ROBO2: variants seen among roughly 807,000 people sequenced by gnomAD.
The protein encoded by ROBO2 is roundabout homolog 2.
Under a neutral mutation model 160.8 loss-of-function variants are expected in ROBO2, and 53 were observed. The ratio of observed to expected loss-of-function variants is 0.33; its 90% CI spans 0.26 to 0.41. The LOEUF is 0.41. Ranked by LOEUF, ROBO2 falls within the 10% of genes least tolerant of loss-of-function variation. ROBO2 has a pLI of 1.00. For missense variants in ROBO2, 1,577 were observed against 1,722.4 expected, an observed-to-expected ratio of 0.92 and a Z score of 1.49; for synonymous variants, 664 against 611.7, an observed-to-expected ratio of 1.09 and a Z score of -1.26.
intron 2 of ROBO2, among the ~76,000 whole-genome samples, chr3:76,863,379 A>G (rs2071006600): frequency 6.6e-6 from 1 of 151,538 alleles, no homozygotes; most frequent in African/African-American, 2.4e-5. Context: ...TCGAGGCTAC[A>G]GTGAGCTGTG....
At chr3:76,196,740 A>T (rs974724833) in intron 2 of ROBO2, among the ~76,000 whole-genome samples, 2 of 152,156 alleles carry the variant, frequency 1.3e-5, no homozygotes, top group African/African-American at 4.8e-5. Flanking sequence ...AGATGTAAGG[A>T]TGTTATTGTC....
intron 2 of ROBO2, among the ~76,000 whole-genome samples, chr3:76,894,741 C>G (rs1245760572): frequency 6.6e-6 from 1 of 152,060 alleles, no homozygotes; most frequent in Middle Eastern, 3.2e-3. Context: ...AATGTATTTC[C>G]TGTGTATACC....
In ROBO2 at chr3:76,980,082, A is replaced by T. The variant is rs534549299; in HGVS notation, c.110-117932A>T. 1.1e-4 allele frequency among the ~76,000 whole-genome samples: 16 copies of T among 152,324 alleles called. No homozygotes were observed. In the South Asian group the frequency reaches 3.3e-3, roughly 32 times the overall value. On this transcript the variant is annotated intron_variant, in intron 2 of 26. Transcript: ENST00000487694. ...TACTGCAGGAAATAACTTACTTTGA[A>T]TCATGAGAAAGTGGTGAAGCTTAGT... is the stretch of plus-strand genomic sequence containing the variant.
At chr3:76,975,187 T>C (rs1414642260) in intron 2 of ROBO2, among the ~76,000 whole-genome samples, 1 of 152,178 alleles carries the variant, frequency 6.6e-6, no homozygotes, top group Non-Finnish European at 1.5e-5. Flanking sequence ...GTGATCTTCC[T>C]ACACAGAAGG....
At chr3:77,611,311 A>AT (rs397978217) in intron 21 of ROBO2, among the ~76,000 whole-genome samples, 1 of 149,962 alleles carries the variant, frequency 6.7e-6, no homozygotes, top group African/African-American at 2.4e-5. Flanking sequence ...AAAAAAAAAA[A>AT]GAAAACTGCA....
At chr3:76,780,207 GTTTT>G (rs373457051) in intron 2 of ROBO2, among the ~76,000 whole-genome samples, 22 of 146,156 alleles carry the variant, frequency 1.5e-4, no homozygotes, top group Non-Finnish European at 2.3e-4. Flanking sequence ...TTGTTTGTTT[GTTTT>G]TTTTTTGGAG....
intron 2 of ROBO2, among the ~76,000 whole-genome samples, chr3:75,962,731 C>A (rs1244525870): frequency 6.6e-6 from 1 of 151,640 alleles, no homozygotes; most frequent in Admixed American, 6.6e-5. Context: ...TTTCATAATT[C>A]TGTAGCAATT....
chr3:76,282,930 T>A (rs1405064645), intron 2 of ROBO2, among the ~76,000 whole-genome samples: 1 of 151,424 alleles, frequency 6.6e-6, no homozygotes, highest in Non-Finnish European at 1.5e-5. Context: ...TTTTATAGCA[T>A]TTATTTTATT....
At chr3:75,965,706 A>G in intron 2 of ROBO2, among the ~76,000 whole-genome samples, 1 of 148,876 alleles carries the variant, frequency 6.7e-6, no homozygotes. Context: ...GACAACATGA[A>G]AATATCTTCG....
chr3:77,113,226 G>C (rs2073853098), intron 2 of ROBO2, among the ~76,000 whole-genome samples: 1 of 152,178 alleles, frequency 6.6e-6, no homozygotes, highest in South Asian at 2.1e-4. Flanking sequence ...AGAGCAGCTT[G>C]ATAGAAAGAC....
At chr3:77,000,225 A>G (rs1233962762) in intron 2 of ROBO2, among the ~76,000 whole-genome samples, 1 of 152,224 alleles carries the variant, frequency 6.6e-6, no homozygotes, top group Admixed American at 6.5e-5. Context: ...GATGAGATGT[A>G]CATGGACTCT....
At chr3:77,486,948 A>T (rs2085439215) in intron 4 of ROBO2, among the ~76,000 whole-genome samples, 1 of 152,118 alleles carries the variant, frequency 6.6e-6, no homozygotes, top group Non-Finnish European at 1.5e-5. Context: ...GTTATTCTCC[A>T]AAAAGATTAC....
At chr3:77,442,230 T>G (rs1164344373) in intron 2 of ROBO2, among the ~76,000 whole-genome samples, 1 of 151,782 alleles carries the variant, frequency 6.6e-6, no homozygotes, top group Non-Finnish European at 1.5e-5. Context: ...GAGAATGGCG[T>G]GAACCCGGGA....
intron 2 of ROBO2, among the ~76,000 whole-genome samples, chr3:76,313,033 A>G (rs930303230): frequency 6.6e-6 from 1 of 152,218 alleles, no homozygotes; most frequent in African/African-American, 2.4e-5. Context: ...TCAGCTAGAA[A>G]TTTGCTAGCT....
intron 2 of ROBO2, among the ~76,000 whole-genome samples, chr3:76,596,475 C>A (rs1033956304): frequency 2.0e-5 from 3 of 152,082 alleles, no homozygotes; most frequent in African/African-American, 4.8e-5. Context: ...GCAGATAGAA[C>A]CCTCTCTGAC....
At chr3:76,308,463 G>A (rs1249759570) in intron 2 of ROBO2, among the ~76,000 whole-genome samples, 1 of 150,738 alleles carries the variant, frequency 6.6e-6, no homozygotes, top group Non-Finnish European at 1.5e-5. Context: ...AGGATTAAAT[G>A]AGTTGATGAA....
chr3:77,318,160 G>A (rs1239944086), intron 2 of ROBO2, among the ~76,000 whole-genome samples: 1 of 152,038 alleles, frequency 6.6e-6, no homozygotes, highest in Non-Finnish European at 1.5e-5. Flanking sequence ...CGATTATCGT[G>A]TCTCAGTCTC....
chr3:77,336,184 G>A (rs369037222), intron 2 of ROBO2, among the ~76,000 whole-genome samples: 1 of 152,270 alleles, frequency 6.6e-6, no homozygotes, highest in South Asian at 2.1e-4. Context: ...AGTTTTTGGA[G>A]GGCCCCTTTG....
chr3:76,518,988 C>A (rs1006013734), intron 2 of ROBO2, among the ~76,000 whole-genome samples: 37 of 151,972 alleles, frequency 2.4e-4, no homozygotes, highest in Admixed American at 2.4e-3. Flanking sequence ...AGCTGTACAC[C>A]AGAGGGAATA....
Sources: gnomAD v4.1 joint callset for allele counts (sites outside exome capture counted in the v4.1 genomes callset) on GRCh38, gnomAD v4.1.1 for gene constraint, MANE v1.5 for transcripts, NCBI Gene and HGNC (gene_info 2026-07-23, HGNC 2026-07-21) for gene names.